Variants in STX7 observed in about 807,000 individuals in gnomAD.
STX7 encodes syntaxin-7.
Under a neutral mutation model 39.6 loss-of-function variants are expected in STX7, and 34 were observed. That is an observed-to-expected ratio of 0.86 (90% CI 0.65 to 1.14). The LOEUF (loss-of-function observed/expected upper bound fraction) is 1.14. Among genes scored for constraint, STX7 ranks in the 50% most tolerant of loss-of-function variants. STX7 has a pLI of 0.00. For missense variants in STX7, 284 were observed against 310.4 expected, an observed-to-expected ratio of 0.92 and a Z score of 0.64; for synonymous variants, 119 against 99.1, an observed-to-expected ratio of 1.20 and a Z score of -1.19.
chr6:132,484,021 C>T (rs114770904), intron 2 of STX7, among the ~76,000 whole-genome samples: 3,544 of 152,188 alleles, frequency 0.023, 124 homozygotes, highest in African/African-American at 0.08. Flanking sequence ...GTCTTTCCAA[C>T]CATAAAAAGA....
At chr6:132,473,454 T>TA (rs1774786652) in intron 3 of STX7, among the ~76,000 whole-genome samples, 1 of 151,540 alleles carries the variant, frequency 6.6e-6, no homozygotes, top group Non-Finnish European at 1.5e-5. Context: ...CCCAATACAA[T>TA]AATGTAAATG....
Sources: gnomAD v4.1 joint callset for allele counts (sites outside exome capture counted in the v4.1 genomes callset) on GRCh38, gnomAD v4.1.1 for gene constraint, MANE v1.5 for transcripts, NCBI Gene and HGNC (gene_info 2026-07-23, HGNC 2026-07-21) for gene names.